The following GABRA3 variants were observed in gnomAD, a reference collection of about 807,000 sequenced individuals.
The protein encoded by GABRA3 is gamma-aminobutyric acid receptor subunit alpha-3.
A neutral mutation model predicts 30.1 loss-of-function variants in GABRA3; 10 were observed. The observed-to-expected ratio is 0.33, with a 90% CI of 0.20 to 0.56. The LOEUF is 0.56. Among genes scored for constraint, GABRA3 ranks in the 20% least tolerant of loss-of-function variants. GABRA3 has a pLI of 0.89. For missense variants in GABRA3, 233 were observed against 392.0 expected, an observed-to-expected ratio of 0.59 and a Z score of 3.42; for synonymous variants, 151 against 146.8, an observed-to-expected ratio of 1.03 and a Z score of -0.21.
chrX:152,269,175 C>G (rs780586341), intron 4 of GABRA3, among the ~76,000 whole-genome samples: 1 of 111,778 alleles, frequency 8.9e-6, no homozygotes. Flanking sequence ...ATGAAATCAA[C>G]ATTCAAAAAC....
At chrX:152,319,662 C>T (rs193066041) in intron 3 of GABRA3, among the ~76,000 whole-genome samples, 9 of 111,500 alleles carry the variant, frequency 8.1e-5, no homozygotes, top group Non-Finnish European at 1.3e-4. Flanking sequence ...CAGACATTGG[C>T]TTAGGCAAAG....
intron 1 of GABRA3, among the ~76,000 whole-genome samples, chrX:152,438,548 G>A (rs1157965527): frequency 5.3e-5 from 6 of 112,313 alleles, no homozygotes; most frequent in Admixed American, 3.8e-4. Context: ...CCAAAACTTG[G>A]AAGTAACCAA....
chrX:152,407,555 T>C (rs1163050571), intron 1 of GABRA3, among the ~76,000 whole-genome samples: 4 of 111,667 alleles, frequency 3.6e-5, no homozygotes, highest in Non-Finnish European at 5.7e-5. Context: ...AAGAGATCAA[T>C]AAAAAGTAAT....
chrX:152,281,541 C>CT (rs1052555313), intron 4 of GABRA3, among the ~76,000 whole-genome samples: 4 of 111,383 alleles, frequency 3.6e-5, no homozygotes, highest in Admixed American at 9.6e-5. Flanking sequence ...AATTAAATTT[C>CT]TTTTTTTTCC....
At chrX:152,335,165 G>A (rs774465197) in intron 3 of GABRA3, among the ~76,000 whole-genome samples, 5 of 111,408 alleles carry the variant, frequency 4.5e-5, no homozygotes, top group Non-Finnish European at 7.5e-5. Context: ...AGTGGTCCAT[G>A]CTCAAAAATG....
chrX:152,271,014 T>C (rs757640570), intron 4 of GABRA3, among the ~76,000 whole-genome samples: 22 of 107,323 alleles, frequency 2.0e-4, no homozygotes, highest in African/African-American at 7.5e-4. Flanking sequence ...CAGGCTGGAC[T>C]GCAATGGTGC....
chrX:152,189,507 C>A (rs1363007237), intron 9 of GABRA3, among the ~76,000 whole-genome samples: 1 of 111,390 alleles, frequency 9.0e-6, no homozygotes, highest in Non-Finnish European at 1.9e-5. Context: ...AGGTTTGATC[C>A]TTCACCACAA....
intron 5 of GABRA3, among the ~76,000 whole-genome samples, chrX:152,225,758 C>G (rs1488216802): frequency 9.1e-6 from 1 of 109,505 alleles, no homozygotes; most frequent in Non-Finnish European, 1.9e-5. Context: ...GGGGCTCACA[C>G]AGCAAAACCT....
chrX:152,282,928 G>A (rs191949958), intron 4 of GABRA3, among the ~76,000 whole-genome samples: 162 of 112,027 alleles, frequency 1.4e-3, no homozygotes, highest in African/African-American at 5.2e-3. Flanking sequence ...GTGAGTGTAT[G>A]TGTGTGTGAG....
chrX:152,291,860 G>A (rs1191018160), intron 3 of GABRA3, among the ~76,000 whole-genome samples: 1 of 112,079 alleles, frequency 8.9e-6, no homozygotes, highest in Non-Finnish European at 1.9e-5. Context: ...CAGGGATGAA[G>A]CCAACTTCAT....
chrX:152,362,564 C>A (rs1928538595), intron 2 of GABRA3, among the ~76,000 whole-genome samples: 1 of 111,346 alleles, frequency 9.0e-6, no homozygotes, highest in Admixed American at 9.5e-5. Context: ...GTCAAACATG[C>A]ATTACAGAAA....
intron 1 of GABRA3, among the ~76,000 whole-genome samples, chrX:152,402,921 G>A (rs1055080133): frequency 1.8e-4 from 20 of 111,905 alleles, no homozygotes; most frequent in African/African-American, 5.8e-4. Context: ...ACCATAATTT[G>A]AGAAGGCCAA....
intron 1 of GABRA3, among the ~76,000 whole-genome samples, chrX:152,384,265 GA>G (rs1929236774): frequency 9.0e-6 from 1 of 111,604 alleles, no homozygotes; most frequent in Non-Finnish European, 1.9e-5. Context: ...TTCATAAATT[GA>G]AAGAATTAAT....
chrX:152,264,337 G>A (rs1938784328), intron 4 of GABRA3, among the ~76,000 whole-genome samples: 1 of 111,442 alleles, frequency 9.0e-6, no homozygotes, highest in African/African-American at 3.3e-5. Flanking sequence ...TTAAAAAGTG[G>A]GGGAACAAAT....
chrX:152,392,601 A>C (rs2124515982), intron 1 of GABRA3, among the ~76,000 whole-genome samples: 1 of 111,802 alleles, frequency 8.9e-6, no homozygotes, highest in East Asian at 2.8e-4. Flanking sequence ...GAGACCTCAT[A>C]GATGGATATA....
intron 1 of GABRA3, among the ~76,000 whole-genome samples, chrX:152,413,987 C>T (rs1930141970): frequency 9.0e-6 from 1 of 110,735 alleles, no homozygotes; most frequent in Non-Finnish European, 1.9e-5. Flanking sequence ...TATATACTAG[C>T]AACAGACTTA....
chrX:152,316,062 C>T (rs951917929), intron 3 of GABRA3, among the ~76,000 whole-genome samples: 6 of 99,880 alleles, frequency 6.0e-5, no homozygotes, highest in Non-Finnish European at 1.2e-4. Context: ...GACCAACCAG[C>T]ACAAAATTAG....
intron 1 of GABRA3, among the ~76,000 whole-genome samples, chrX:152,441,177 T>C (rs768783440): frequency 9.0e-6 from 1 of 111,273 alleles, no homozygotes; most frequent in Non-Finnish European, 1.9e-5. Context: ...TACACAATCA[T>C]ATACATGTGT....
At chrX:152,418,286 A>G (rs898244959) in intron 1 of GABRA3, among the ~76,000 whole-genome samples, 1 of 111,831 alleles carries the variant, frequency 8.9e-6, no homozygotes, top group African/African-American at 3.2e-5. Flanking sequence ...TGAATGGGCC[A>G]TGAAGCAGAC....
Sources: gnomAD v4.1 joint callset for allele counts (sites outside exome capture counted in the v4.1 genomes callset) on GRCh38, gnomAD v4.1.1 for gene constraint, MANE v1.5 for transcripts, NCBI Gene and HGNC (gene_info 2026-07-23, HGNC 2026-07-21) for gene names.